The following NEMF variants were observed in gnomAD, a reference collection of about 807,000 sequenced individuals.
NEMF encodes the protein nuclear export mediator factor.
Under a neutral mutation model 162.2 loss-of-function variants are expected in NEMF, and 89 were observed. That is an observed-to-expected ratio of 0.55 (90% CI 0.46 to 0.65). The LOEUF (loss-of-function observed/expected upper bound fraction) is 0.65, where lower values mean the gene tolerates loss of function less well. NEMF is among the 30% of genes least tolerant of loss of function. The probability of loss-of-function intolerance (pLI) is 0.00; values close to 1 mark genes in which losing one functional copy is unlikely to be tolerated. For missense variants in NEMF, 1,133 were observed against 1,261.9 expected (o/e 0.90, Z 1.55); for synonymous variants, 421 against 404.5 (o/e 1.04, Z -0.49).
intron 28 of NEMF, 100 bp downstream of exon 28, chr14:49,789,046 T>G (rs189046738): frequency 3.3e-5 from 28 of 849,868 alleles, no homozygotes; most frequent in African/African-American, 3.2e-4. Context: ...ATAGGGTTAC[T>G]CACTTGTCTT....
chr14:49,789,921 T>C (rs867540982), intron 26 of NEMF, among the ~76,000 whole-genome samples: 1 of 152,158 alleles, frequency 6.6e-6, no homozygotes, highest in Non-Finnish European at 1.5e-5. Context: ...AGGGTACACA[T>C]GGAGGAAGAA....
chr14:49,852,420 G>A (rs76942979), intron 1 of NEMF, among the ~76,000 whole-genome samples: 40 of 152,342 alleles, frequency 2.6e-4, no homozygotes, highest in Admixed American at 1.2e-3. Context: ...GCCCAACCCG[G>A]ACAACCCAGG....
At chr14:49,834,302 G>GA (rs1892790187) in intron 7 of NEMF, 61 bp downstream of exon 7, 2 of 1,200,512 alleles carry the variant, frequency 1.7e-6, no homozygotes, top group Non-Finnish European at 2.4e-6. Flanking sequence ...TACTTTCCCA[G>GA]AAAAAATTTT....
intron 20 of NEMF, 63 bp downstream of exon 20, chr14:49,803,174 T>C (rs1174583969): frequency 8.6e-7 from 1 of 1,168,572 alleles, no homozygotes; most frequent in African/African-American, 1.5e-5. Flanking sequence ...TTGTAAACTG[T>C]CTCAAACCTG....
intron 18 of NEMF, among the ~76,000 whole-genome samples, chr14:49,810,060 C>T (rs1021125683): frequency 1.3e-5 from 2 of 151,056 alleles, no homozygotes; most frequent in Non-Finnish European, 3.0e-5. Context: ...TAAAACTGGT[C>T]GAAAAAAATG....
intron 16 of NEMF, chr14:49,820,006 C>T (rs1891920880): frequency 6.3e-6 from 1 of 159,796 alleles, no homozygotes; most frequent in Non-Finnish European, 1.4e-5. Context: ...GACTGGAGTG[C>T]AGAGGCGCCA....
chr14:49,831,260 A>G (rs1169162483), intron 11 of NEMF, 39 bp downstream of exon 11: 1 of 1,166,192 alleles, frequency 8.6e-7, no homozygotes, highest in Non-Finnish European at 1.3e-6. Context: ...AAGCCGCTAA[A>G]GACTAGCTGG....
Position 49,785,307 on chromosome 14 carries a change from T to C in NEMF, c.2942A>G (p.Asp981Gly), listed in dbSNP as rs765440681. ...AGGATGTGGCTGGCCTGTCAAAGAA[T>C]CAAATAGGTTTTCCTAAAAAGGGAA... The part of the protein sequence containing the change: ...DQQGNEENLF[D>G]SLTGQPHPED... The change falls in exon 30 of 33, where the codon GAT (aspartate) becomes GGT (glycine). Residue 981 changes from aspartate (D) to glycine (G), a missense_variant. Transcript: ENST00000298310. 2.5e-6 allele frequency: 4 copies of C among 1,613,598 alleles called. No individual in the cohort carries two copies. In the South Asian group the frequency reaches 4.4e-5, roughly 18 times the overall value.
In NEMF at chr14:49,785,032, A is replaced by G. The variant is rs754785443; in HGVS notation, c.3074-28T>C. On this transcript the variant is annotated intron_variant, in intron 31 of 32. Transcript: ENST00000298310. ...GTAAATACAAAAAAGAGTAAGAATA[A>G]TCTACTGTTAAGTCACTGAACTGTT... 5.0e-6 allele frequency: 8 copies of G among 1,608,446 alleles called. No homozygotes were observed. In the South Asian group the frequency reaches 7.7e-5, roughly 15 times the overall value.
chr14:49,820,816 C>T (rs1029364726), intron 16 of NEMF, among the ~76,000 whole-genome samples: 2 of 152,016 alleles, frequency 1.3e-5, no homozygotes, highest in South Asian at 4.1e-4. Flanking sequence ...GATGGGGTTT[C>T]GCTGTGTTGG....
chr14:49,825,135 A>G (rs1213871956), intron 16 of NEMF, among the ~76,000 whole-genome samples: 2 of 152,176 alleles, frequency 1.3e-5, no homozygotes, highest in Non-Finnish European at 2.9e-5. Flanking sequence ...GAAAAAGAAA[A>G]CAGAATTCTA....
intron 18 of NEMF, among the ~76,000 whole-genome samples, chr14:49,806,998 T>A (rs1441702520): frequency 1.3e-5 from 2 of 152,222 alleles, no homozygotes; most frequent in East Asian, 3.8e-4. Flanking sequence ...AATATTTTCA[T>A]CATCCCAGAA....
chr14:49,832,332 TC>T, intron 8 of NEMF, 55 bp from the exon 9 acceptor site: 8 of 1,141,878 alleles, frequency 7.0e-6, no homozygotes, highest in South Asian at 1.4e-5. Flanking sequence ...AAGATTTACT[TC>T]TTTTTTTTTT....
At chr14:49,802,616 A>C in intron 21 of NEMF, 43 bp from the exon 22 acceptor site, 1 of 1,611,920 alleles carries the variant, frequency 6.2e-7, no homozygotes, top group Non-Finnish European at 8.5e-7. Context: ...TTCAGACAAG[A>C]CTAATGAAAA....
At position 49,851,567 on chromosome 14, in the gene NEMF, A is replaced by T; in HGVS notation, c.227T>A (p.Met76Lys). ...CTTCAAGCGTAACAAGTTTACCTTC[A>T]TGGCAAAACTAGACGGCATCATATT... ...PKNMMPSSFAMKCRKHLKSRR... is the reference protein window; with the variant it reads ...PKNMMPSSFAKKCRKHLKSRR... The change falls in exon 3 of 33, where the codon ATG becomes AAG. Residue 76 changes from methionine to lysine, a missense_variant. Coordinates refer to ENST00000298310, the MANE Select transcript of NEMF (RefSeq NM_004713.6). 6.2e-7 allele frequency: 1 copy of T among 1,608,800 alleles called. No homozygotes were observed. Among genetic ancestry groups the T allele is most frequent in the Non-Finnish European group, 8.5e-7 (1 of 1,175,750 alleles).
At chr14:49,852,390 T>G (rs150358283) in intron 1 of NEMF, among the ~76,000 whole-genome samples, 1 of 152,354 alleles carries the variant, frequency 6.6e-6, no homozygotes, top group African/African-American at 2.4e-5. Context: ...TGGCGTCTCG[T>G]GTTTTAACAA....
intron 16 of NEMF, among the ~76,000 whole-genome samples, chr14:49,823,606 G>C (rs1465676822): frequency 6.6e-6 from 1 of 152,060 alleles, no homozygotes; most frequent in Admixed American, 6.6e-5. Context: ...TGGAGGACTG[G>C]TCTAGGGGGT....
intron 26 of NEMF, among the ~76,000 whole-genome samples, chr14:49,793,470 G>A (rs2139837057): frequency 6.6e-6 from 1 of 152,252 alleles, no homozygotes; most frequent in East Asian, 1.9e-4. Flanking sequence ...CTCAGTTATA[G>A]TTTTATAATT....
At chr14:49,842,048 T>G (rs1432643530) in intron 4 of NEMF, among the ~76,000 whole-genome samples, 1 of 151,108 alleles carries the variant, frequency 6.6e-6, no homozygotes, top group Non-Finnish European at 1.5e-5. Context: ...GAGGTTGCTG[T>G]GAGCCGAGAT....
Sources: gnomAD v4.1 joint callset for allele counts (sites outside exome capture counted in the v4.1 genomes callset) on GRCh38, gnomAD v4.1.1 for gene constraint, MANE v1.5 for transcripts, NCBI Gene and HGNC (gene_info 2026-07-23, HGNC 2026-07-21) for gene names.